Variants in RNF213 observed in about 807,000 individuals in gnomAD.
The protein encoded by RNF213 is ring finger protein 213.
In RNF213, 341 loss-of-function variants were observed where a neutral mutation model predicts 514.4. The observed-to-expected ratio is 0.66, with a 90% CI of 0.61 to 0.73. The LOEUF (loss-of-function observed/expected upper bound fraction) is 0.73. RNF213 is among the 30% of genes least tolerant of loss of function. RNF213 has a pLI of 0.00. For synonymous variants in RNF213, 2,655 were observed against 2,658.2 expected, an observed-to-expected ratio of 1.00 and a Z score of 0.04; for missense variants, 5,767 against 6,615.6, an observed-to-expected ratio of 0.87 and a Z score of 4.45.
At chr17:80,292,969 T>C (rs2044788476) in intron 8 of RNF213, among the ~76,000 whole-genome samples, 1 of 152,332 alleles carries the variant, frequency 6.6e-6, no homozygotes, top group South Asian at 2.1e-4. Context: ...CAGAAGAATG[T>C]AAATTTAGTC....
chr17:80,373,557 A>T (rs1179469137), intron 49 of RNF213, among the ~76,000 whole-genome samples: 2 of 152,054 alleles, frequency 1.3e-5, no homozygotes, highest in Non-Finnish European at 2.9e-5. Context: ...TTCTAATTGA[A>T]TTTCACTCAA....
chr17:80,339,084 T>TTAAAAA, intron 25 of RNF213, 117 bp from the exon 26 acceptor site: 1 of 761,644 alleles, frequency 1.3e-6, no homozygotes, highest in Non-Finnish European at 2.0e-6. Context: ...GCGCAGATCA[T>TTAAAAA]GCAGTGGGCC....
intron 17 of RNF213, among the ~76,000 whole-genome samples, chr17:80,323,277 G>A (rs543819325): frequency 6.6e-6 from 1 of 152,262 alleles, no homozygotes; most frequent in South Asian, 2.1e-4. Flanking sequence ...CACACTGTTT[G>A]GACTACCATT....
In RNF213 at chr17:80,372,630, A is replaced by G; in HGVS notation, c.12647A>G (p.Glu4216Gly). Residue 4216 changes from glutamate (E) to glycine (G), a missense_variant, in exon 48 of 68, where the codon GAG (glutamate) becomes GGG (glycine). By Grantham distance (98) the Glu-to-Gly change is moderately conservative (BLOSUM62 -2). This residue lies in a region of RNF213 where 1,245 missense variants were observed against 1,339.0 expected (regional missense o/e 0.93). Coordinates refer to ENST00000582970, the MANE Select transcript of RNF213 (RefSeq NM_001256071.3). ...KAYSPASRGR[E>G]PANEASVEYL... ...TATTCTCCAGCAAGCCGGGGCCGAG[A>G]GCCTGCCAACGAGGCCTCGGTTGAA... 2 of 1,613,972 alleles carry G rather than the reference A, an allele frequency of 1.2e-6. No individual in the cohort carries two copies. Among genetic ancestry groups the G allele is most frequent in the South Asian group, 1.1e-5 (1 of 91,048 alleles).
chr17:80,330,105 G>GTA (rs2046373765), intron 20 of RNF213, among the ~76,000 whole-genome samples: 1 of 152,066 alleles, frequency 6.6e-6, no homozygotes. Context: ...GTCAGCTTTC[G>GTA]TATATATATT....
At chr17:80,337,421 C>T (rs1206417624) in intron 23 of RNF213, 165 bp from the exon 24 acceptor site, 5 of 794,192 alleles carry the variant, frequency 6.3e-6, no homozygotes, top group South Asian at 3.6e-5. Context: ...CAGGGTGGCA[C>T]CTGGTCCAGC....
Position 80,383,860 on chromosome 17 carries a change from C to A in RNF213, c.14254C>A (p.Leu4752Ile). Reference protein sequence around the residue: ...SCRKRITVEYLQHIVEQKNGK... With the variant: ...SCRKRITVEYIQHIVEQKNGK... ...CAGGAAAAGAATTACAGTTGAGTAC[C>A]TCCAGCACATTGTGGAACAGAAAAA... Residue 4752 changes from leucine (L) to isoleucine (I), a missense_variant, in exon 59 of 68, where the codon CTC (leucine) becomes ATC (isoleucine). Around this residue, in one of 13 missense-constraint regions of RNF213, gnomAD observed 1,245 missense variants for 1,339.0 expected, o/e 0.93. Transcript: ENST00000582970. The A allele has an allele frequency of 1.2e-6, 2 of 1,614,178 alleles. No homozygotes were observed. The highest frequency in any genetic ancestry group is 1.7e-6 in the Non-Finnish European group (2 of 1,180,020).
chr17:80,330,369 G>A lies in RNF213; in HGVS notation c.3518-1637G>A, dbSNP rs577788889. Among the ~76,000 whole-genome samples, 4 of 152,320 alleles carry A rather than the reference G, an allele frequency of 2.6e-5. No homozygotes were observed. The South Asian group carries it at 6.2e-4, about 24-fold the overall frequency. On this transcript the variant is annotated intron_variant, in intron 20 of 67. Transcript: ENST00000582970. The stretch of plus-strand genomic sequence containing the variant: ...CCTCACAAGTGGGTTGGCCCTCTGC[G>A]GGGTGCTGCCGTGGGGTGCTGTGGC...
At chr17:80,379,395 T>C in intron 54 of RNF213, 1 of 567,838 alleles carries the variant, frequency 1.8e-6, no homozygotes, top group Middle Eastern at 4.9e-4. Flanking sequence ...AAGCTTAAAT[T>C]GTCTCACTTA....
intron 58 of RNF213, among the ~76,000 whole-genome samples, chr17:80,383,306 G>A (rs772629828): frequency 1.2e-4 from 18 of 152,182 alleles, no homozygotes; most frequent in Non-Finnish European, 2.4e-4. Context: ...TGGGAATCCA[G>A]CAAGTGCAGG....
chr17:80,314,283 C>CTGGAGGTGATGGTGGTGGACGTGATGG (rs2045745910), intron 15 of RNF213, among the ~76,000 whole-genome samples: 1 of 54,312 alleles, frequency 1.8e-5, no homozygotes. Flanking sequence ...GGTGGAGGTA[C>CTGGAGGTGATGGTGGTGGACGTGATGG]TGGAGGTGAT....
intron 26 of RNF213, 118 bp downstream of exon 26, chr17:80,340,474 G>C: frequency 1.0e-6 from 1 of 996,686 alleles, no homozygotes; most frequent in East Asian, 2.6e-5. Flanking sequence ...GGGAGGGTGT[G>C]ATTCATCTGT....
rs1183883703 is a variant in RNF213 at position 80,398,777 on chromosome 17, AG to A, written c.*5281del. 1.3e-5 allele frequency: 2 copies of A among 152,166 alleles called. No individual in the cohort carries two copies. Among genetic ancestry groups the A allele is most frequent in the Non-Finnish European group, 2.9e-5 (2 of 68,044 alleles). The allele number at this position is 152,166 out of a possible 1,614,324, so 9.4% of individuals were successfully genotyped here. A position where few individuals can be genotyped will look rare whatever the true frequency, so the allele number is the denominator to read the frequency against. ...AAAGAGAAAGAGACAGAAAATCAAG[AG>A]GAAAAAAAGAAAAAAAGAGATATAT... On this transcript the variant is annotated 3_prime_UTR_variant, in exon 68 of 68. Transcript: ENST00000582970.
Position 80,393,494 on chromosome 17 carries a change from G to C in RNF213, c.15620G>C (p.Arg5207Thr). 2 of 1,614,066 alleles carry C rather than the reference G, an allele frequency of 1.2e-6. No individual in the cohort carries two copies. Among genetic ancestry groups the C allele is most frequent in the Non-Finnish European group, 1.7e-6 (2 of 1,179,984 alleles). Residue 5207 changes from arginine to threonine, a missense_variant, in exon 68 of 68, where the codon AGA becomes ACA. Coordinates refer to ENST00000582970, the MANE Select transcript of RNF213 (RefSeq NM_001256071.3). ...AAVLKWNREM[R>T] ...GTGCTGAAATGGAATCGAGAAATGA[G>C]ATAGAATTATTTCCTCAGCTATCTT... is the stretch of plus-strand genomic sequence containing the variant.
At position 80,309,090 on chromosome 17, in the gene RNF213, C is replaced by G; in HGVS notation, c.2574C>G (p.Ser858Arg). Residue 858 changes from serine (S) to arginine (R), a missense_variant, in exon 14 of 68, where the codon AGC (serine) becomes AGG (arginine). Coordinates refer to ENST00000582970, the MANE Select transcript of RNF213 (RefSeq NM_001256071.3). Reference protein sequence around the residue: ...CLKLHEAICSSTKLLKFYELP... With the variant: ...CLKLHEAICSRTKLLKFYELP... The stretch of plus-strand genomic sequence containing the variant: ...AACTGCATGAAGCCATCTGCAGCAG[C>G]ACAAAGCTACTTAAGTTTTACGAGC... 1.2e-6 allele frequency: 2 copies of G among 1,614,110 alleles called. No homozygotes were observed. Among genetic ancestry groups the G allele is most frequent in the Non-Finnish European group, 1.7e-6 (2 of 1,180,054 alleles).
chr17:80,351,690 C>T lies in RNF213; in HGVS notation c.10190C>T (p.Ser3397Phe), dbSNP rs781096106. ...TTTTTTTTTTCTTTAAATAGGTATT[C>T]TGTTATAAATGAAATCAACAAAATA... ...SAQLIASAKY[S>F]VINEINKIRE... Residue 3397 changes from serine (S) to phenylalanine (F), a missense_variant, in exon 32 of 68, where the codon TCT becomes TTT. By Grantham distance (155) the Ser-to-Phe change is radical. Transcript: ENST00000582970. 3 of 1,498,278 alleles carry T rather than the reference C, an allele frequency of 2.0e-6. No homozygotes were observed. Among genetic ancestry groups the T allele is most frequent in the Admixed American group, 3.4e-5 (2 of 59,336 alleles). 92.8% of individuals were successfully genotyped at this position (1,498,278 alleles called of 1,614,324 possible). A position where few individuals can be genotyped will look rare whatever the true frequency, so the allele number is the denominator to read the frequency against.
chr17:80,338,285 G>A (rs1345911109), intron 25 of RNF213, among the ~76,000 whole-genome samples: 1 of 152,178 alleles, frequency 6.6e-6, no homozygotes, highest in African/African-American at 2.4e-5. Flanking sequence ...CACTGAGAAG[G>A]AGGTTGGTCA....
chr17:80,308,149 C>T (rs549741330), intron 13 of RNF213, among the ~76,000 whole-genome samples: 1 of 152,050 alleles, frequency 6.6e-6, no homozygotes, highest in African/African-American at 2.4e-5. Flanking sequence ...TGCCAGTGAG[C>T]GATGGGATGG....
At chr17:80,352,694 T>A (rs1478774572) in intron 32 of RNF213, 4 of 642,236 alleles carry the variant, frequency 6.2e-6, no homozygotes, top group Non-Finnish European at 8.5e-6. Context: ...CTTCCCACGC[T>A]GGCCATTGCA....
Sources: allele counts gnomAD v4.1 joint callset (sites outside exome capture counted in the v4.1 genomes callset), GRCh38; gene constraint gnomAD v4.1.1; regional missense constraint gnomAD v4.1.1; transcripts MANE v1.5; gene names NCBI Gene and HGNC (gene_info 2026-07-23, HGNC 2026-07-21).